Variants in MYOCOS observed in about 807,000 individuals in gnomAD.
MYOCOS encodes myocilin opposite strand protein.
chr1:171,622,678 C>T (rs235852), intron 1 of MYOCOS, among the ~76,000 whole-genome samples: 25,943 of 109,284 alleles, frequency 0.24, 2,432 homozygotes, highest in Middle Eastern at 0.44. Context: ...AACTCATGCT[C>T]TAGAATGGCA....
upstream of MYOCOS, among the ~76,000 whole-genome samples, chr1:171,621,032 T>C (rs944246597): frequency 6.6e-6 from 1 of 152,022 alleles, no homozygotes; most frequent in African/African-American, 2.4e-5. Flanking sequence ...CCTCCCAAAG[T>C]GCTGGGATTA....
intron 1 of MYOCOS, among the ~76,000 whole-genome samples, chr1:171,608,874 CT>C (rs1652302985): frequency 6.6e-6 from 1 of 152,156 alleles, no homozygotes; most frequent in Admixed American, 6.5e-5. Flanking sequence ...CTCCCAGCAG[CT>C]GGGGAAATGA....
intron 2 of MYOCOS, among the ~76,000 whole-genome samples, chr1:171,616,048 C>T (rs1167110744): frequency 6.7e-6 from 1 of 150,286 alleles, no homozygotes; most frequent in African/African-American, 2.5e-5. Flanking sequence ...TGAAACCTGT[C>T]TCTACTAAAA....
intron 2 of MYOCOS, among the ~76,000 whole-genome samples, chr1:171,616,360 C>A (rs755830651): frequency 6.6e-6 from 1 of 152,062 alleles, no homozygotes; most frequent in Non-Finnish European, 1.5e-5. Flanking sequence ...GCCAACATGG[C>A]AAAACTCTGT....
intron 1 of MYOCOS, among the ~76,000 whole-genome samples, chr1:171,604,655 G>C (rs1337782868): frequency 6.6e-6 from 1 of 152,194 alleles, no homozygotes; most frequent in Non-Finnish European, 1.5e-5. Flanking sequence ...TTTGACGCCT[G>C]TGCCACTATT....
upstream of MYOCOS, among the ~76,000 whole-genome samples, chr1:171,617,271 G>T (rs1652467289): frequency 6.6e-6 from 1 of 152,098 alleles, no homozygotes; most frequent in African/African-American, 2.4e-5. Context: ...GCATGGACTG[G>T]AACCTGACCC....
intron 2 of MYOCOS, 58 bp downstream of exon 2, chr1:171,624,036 G>A (rs568258822): frequency 4.3e-5 from 17 of 398,508 alleles, no homozygotes; most frequent in African/African-American, 3.1e-4. Context: ...ATAACACTGA[G>A]CCCCAGCAAG....
At chr1:171,618,230 C>G (rs1344923376), upstream of MYOCOS, among the ~76,000 whole-genome samples, 19 of 152,192 alleles carry the variant, frequency 1.2e-4, no homozygotes, top group Admixed American at 1.2e-3. Context: ...TGGGTTGGCA[C>G]TCAACCAACC....
intron 1 of MYOCOS, among the ~76,000 whole-genome samples, chr1:171,623,210 G>C (rs530192759): frequency 2.1e-4 from 32 of 152,186 alleles, no homozygotes; most frequent in Middle Eastern, 6.8e-3. Flanking sequence ...AAGAAAAGGG[G>C]GTGGGGGGCA....
intron 1 of MYOCOS, among the ~76,000 whole-genome samples, chr1:171,608,630 C>A (rs572566913): frequency 6.6e-6 from 1 of 151,760 alleles, no homozygotes; most frequent in African/African-American, 2.4e-5. Flanking sequence ...ACCGTGTTAG[C>A]CAGGATGGTC....
At chr1:171,621,499 C>T (rs185870082), upstream of MYOCOS, among the ~76,000 whole-genome samples, 328 of 151,784 alleles carry the variant, frequency 2.2e-3, 2 homozygotes, top group African/African-American at 7.5e-3. Context: ...CCTCAGCCTC[C>T]TGAGTAGCTG....
At position 171,623,822 on chromosome 1, in the gene MYOCOS, T is replaced by G. The variant is rs888366664; in HGVS notation, c.-43-19T>G. Reference sequence around the variant, plus strand: ...ACCCCTGAAGCATGTGTGCCAGCTCTTGTGTTTTGCATTCACAGGTGCAGT... The same window carrying G: ...ACCCCTGAAGCATGTGTGCCAGCTCGTGTGTTTTGCATTCACAGGTGCAGT... On this transcript the variant is annotated intron_variant, in intron 1 of 2. Coordinates refer to ENST00000637642, the MANE Select transcript of MYOCOS (RefSeq NM_001391940.1). 2.3e-5 allele frequency: 9 copies of G among 398,250 alleles called. No homozygotes were observed. The highest frequency in any genetic ancestry group is 1.3e-4 in the South Asian group (1 of 7,792). The allele number at this position is 398,250 out of a possible 1,614,324, so 24.7% of individuals were successfully genotyped here.
chr1:171,624,810 C>G (rs1652661290), intron 2 of MYOCOS, among the ~76,000 whole-genome samples: 1 of 152,022 alleles, frequency 6.6e-6, no homozygotes, highest in Admixed American at 6.6e-5. Context: ...TCTCAAACTC[C>G]TGGGCTCAAG....
chr1:171,626,531 C>G lies in MYOCOS; in HGVS notation c.173C>G (p.Pro58Arg), dbSNP rs890377378. Residue 58 changes from proline (P) to arginine (R), a missense_variant, in exon 3 of 3, where the codon CCT becomes CGT. By Grantham distance (103) the Pro-to-Arg change is moderately radical. Transcript: ENST00000637642. Reference sequence around the variant, plus strand: ...TTGGATTTGGAGCAAGCCCCTCCCCCTCACAGGACCTACCTCACAGTACCT... The same window carrying G: ...TTGGATTTGGAGCAAGCCCCTCCCCGTCACAGGACCTACCTCACAGTACCT... ...SHLDLEQAPP[P>R]HRTYLTVPPA... The G allele has an allele frequency of 1.5e-5, 6 of 398,692 alleles. No individual in the cohort carries two copies. Among genetic ancestry groups the G allele is most frequent in the Non-Finnish European group, 2.2e-5 (5 of 226,086 alleles). The allele number at this position is 398,692 out of a possible 1,614,324, so 24.7% of individuals were successfully genotyped here.
chr1:171,608,371 C>G (rs1425876062), intron 1 of MYOCOS, among the ~76,000 whole-genome samples: 2 of 138,512 alleles, frequency 1.4e-5, no homozygotes, highest in African/African-American at 5.6e-5. Flanking sequence ...TAAGATGCTC[C>G]TTTAAAATTA....
intron 1 of MYOCOS, among the ~76,000 whole-genome samples, chr1:171,612,184 C>T (rs1476880101): frequency 1.3e-5 from 2 of 152,102 alleles, no homozygotes; most frequent in Non-Finnish European, 2.9e-5. Context: ...TCAAGCGATT[C>T]TCCTGCCTCA....
intron 2 of MYOCOS, 135 bp from the exon 3 acceptor site, chr1:171,626,319 T>G (rs1038516227): frequency 2.6e-6 from 1 of 386,224 alleles, no homozygotes; most frequent in Admixed American, 4.5e-5. Flanking sequence ...TGGGCTCAAG[T>G]GATCCTTCCA....
upstream of MYOCOS, among the ~76,000 whole-genome samples, chr1:171,621,050 G>T (rs899985339): frequency 6.6e-6 from 1 of 151,968 alleles, no homozygotes; most frequent in African/African-American, 2.4e-5. Flanking sequence ...TTACAGGCAC[G>T]AGCCACCGTG....
intron 1 of MYOCOS, among the ~76,000 whole-genome samples, chr1:171,623,036 C>G (rs952562538): frequency 1.3e-5 from 2 of 152,086 alleles, no homozygotes; most frequent in Non-Finnish European, 2.9e-5. Context: ...TGAGACCAAC[C>G]TGAGCAACAT....
Sources: allele counts gnomAD v4.1 joint callset (sites outside exome capture counted in the v4.1 genomes callset), GRCh38; gene constraint gnomAD v4.1.1; transcripts MANE v1.5; gene names NCBI Gene and HGNC (gene_info 2026-07-23, HGNC 2026-07-21).